Variants in EDA2R observed in about 807,000 individuals in gnomAD.
EDA2R encodes the protein tumor necrosis factor receptor superfamily member 27.
EDA2R carries 26 observed loss-of-function variants against 20.1 expected under a neutral mutation model. The observed-to-expected ratio is 1.30, with a 90% CI of 0.95 to 1.80. The LOEUF is 1.80. EDA2R is among the 40% of genes most tolerant of loss of function. The pLI, the probability that EDA2R is intolerant of heterozygous loss-of-function variation, is 0.00. For missense variants in EDA2R, 277 were observed against 228.7 expected, an observed-to-expected ratio of 1.21 and a Z score of -1.36; for synonymous variants, 114 against 88.7, an observed-to-expected ratio of 1.29 and a Z score of -1.60.
At chrX:66,639,154 G>A (rs1321263483), upstream of EDA2R, 7 of 37,102 alleles carry the variant, frequency 1.9e-4, no homozygotes, top group Non-Finnish European at 3.4e-4. Context: ...CATCAGCCCC[G>A]CCCCTCAGCC....
intron 5 of EDA2R, among the ~76,000 whole-genome samples, chrX:66,600,371 C>T (rs1928351615): frequency 2.7e-5 from 3 of 111,581 alleles, no homozygotes; most frequent in South Asian, 3.8e-4. Context: ...CTCATCATTG[C>T]TAGTTTTGAA....
intron 2 of EDA2R, among the ~76,000 whole-genome samples, chrX:66,612,925 T>G (rs775417066): frequency 9.0e-6 from 1 of 111,642 alleles, no homozygotes; most frequent in Non-Finnish European, 1.9e-5. Flanking sequence ...GCAAAATTTC[T>G]TTTGCTATTA....
intron 1 of EDA2R, among the ~76,000 whole-genome samples, chrX:66,636,649 T>G (rs1468463352): frequency 9.1e-6 from 1 of 109,674 alleles, no homozygotes; most frequent in Non-Finnish European, 1.9e-5. Flanking sequence ...AAGCAGAAAC[T>G]GGCAAGGATG....
chrX:66,608,714 G>A (rs1930158011), intron 2 of EDA2R, among the ~76,000 whole-genome samples: 1 of 111,971 alleles, frequency 8.9e-6, no homozygotes, highest in Non-Finnish European at 1.9e-5. Context: ...ACAATGGAGA[G>A]TAACCCAAAG....
chrX:66,601,514 C>T (rs1244935375), intron 5 of EDA2R, among the ~76,000 whole-genome samples: 1 of 111,901 alleles, frequency 8.9e-6, no homozygotes, highest in South Asian at 3.8e-4. Context: ...AAACATACCT[C>T]TTGGGCTTTT....
In EDA2R at chrX:66,596,342, T is replaced by A. The variant is rs1208729681; in HGVS notation, c.*1762A>T. The A allele has an allele frequency of 3.6e-5, 4 of 110,481 alleles. No individual in the cohort carries two copies. The highest frequency in any genetic ancestry group is 9.7e-5 in the Admixed American group (1 of 10,357). The allele number at this position is 110,481 out of a possible 1,213,427, so 9.1% of individuals were successfully genotyped here. A position where few individuals can be genotyped will look rare whatever the true frequency, so the allele number is the denominator to read the frequency against. ...CAAACAGAAATTATAAAGACGAAAA[T>A]CCTTCACTTCACCTTTACCCGAAAT... On this transcript the variant is annotated 3_prime_UTR_variant, in exon 7 of 7. Transcript: ENST00000374719.
intron 1 of EDA2R, among the ~76,000 whole-genome samples, chrX:66,620,701 T>C (rs1003714070): frequency 9.1e-6 from 1 of 110,020 alleles, no homozygotes; most frequent in African/African-American, 3.3e-5. Context: ...AAGGACACCA[T>C]CAAGAAAGTG....
chrX:66,635,474 G>T (rs770261844), intron 1 of EDA2R, among the ~76,000 whole-genome samples: 1 of 112,429 alleles, frequency 8.9e-6, no homozygotes, highest in African/African-American at 3.2e-5. Context: ...CTGAGGAATG[G>T]CTCCAAAAGA....
chrX:66,608,186 C>T (rs1419390849), intron 2 of EDA2R, among the ~76,000 whole-genome samples: 4 of 111,379 alleles, frequency 3.6e-5, no homozygotes, highest in African/African-American at 1.3e-4. Context: ...GTAAACAGAA[C>T]ATAAGGAACT....
chrX:66,598,950 C>A (rs1156320298), intron 6 of EDA2R, among the ~76,000 whole-genome samples: 1 of 111,676 alleles, frequency 9.0e-6, no homozygotes, highest in African/African-American at 3.3e-5. Flanking sequence ...TGGGTTCTTG[C>A]ACAGTTCTAG....
intron 4 of EDA2R, among the ~76,000 whole-genome samples, chrX:66,604,087 A>T (rs947386295): frequency 9.0e-6 from 1 of 111,380 alleles, no homozygotes; most frequent in Non-Finnish European, 1.9e-5. Flanking sequence ...ATATAATAAT[A>T]ATATCTCATA....
chrX:66,603,057 C>T (rs186423388), intron 4 of EDA2R, among the ~76,000 whole-genome samples: 2 of 112,052 alleles, frequency 1.8e-5, no homozygotes, highest in East Asian at 5.6e-4. Flanking sequence ...TGTGCCACAT[C>T]TAATTATATA....
intron 1 of EDA2R, among the ~76,000 whole-genome samples, chrX:66,629,094 T>C (rs1290678335): frequency 5.4e-5 from 6 of 111,905 alleles, no homozygotes; most frequent in Non-Finnish European, 7.5e-5. Context: ...AAAAATCACA[T>C]GATCATCTCA....
At chrX:66,611,849 G>GA (rs1351431698) in intron 2 of EDA2R, among the ~76,000 whole-genome samples, 1 of 110,711 alleles carries the variant, frequency 9.0e-6, no homozygotes, top group Non-Finnish European at 1.9e-5. Flanking sequence ...ATCCCAAACA[G>GA]AAAAAAATCC....
rs1026142621 is a variant in EDA2R, at chrX:66,597,444, G to A, written c.*660C>T. The A allele has an allele frequency of 2.7e-5, 3 of 111,774 alleles. No individual in the cohort carries two copies. Among genetic ancestry groups the A allele is most frequent in the African/African-American group, 6.5e-5 (2 of 30,717 alleles). 9.2% of individuals were successfully genotyped at this position (111,774 alleles called of 1,213,427 possible). A position where few individuals can be genotyped will look rare whatever the true frequency, so the allele number is the denominator to read the frequency against. On this transcript the variant is annotated 3_prime_UTR_variant, in exon 7 of 7. Coordinates refer to ENST00000374719, the MANE Select transcript of EDA2R (RefSeq NM_021783.5). The stretch of plus-strand genomic sequence containing the variant: ...ATGTTCTGTAAGGTTCCAAAATGGC[G>A]AACTTCAGCCCTTCTCCCTGCTGAG...
chrX:66,618,251 C>T (rs1932050356), intron 1 of EDA2R, among the ~76,000 whole-genome samples: 1 of 111,693 alleles, frequency 9.0e-6, no homozygotes, highest in Non-Finnish European at 1.9e-5. Context: ...TCATTCGACG[C>T]TTAACAAATT....
Position 66,597,905 on chromosome X carries a change from G to A in EDA2R, c.*199C>T. 2.5e-5 allele frequency: 12 copies of A among 479,230 alleles called. No individual in the cohort carries two copies. The highest frequency in any genetic ancestry group is 3.4e-5 in the Non-Finnish European group (12 of 355,767). The allele number at this position is 479,230 out of a possible 1,213,427, so 39.5% of individuals were successfully genotyped here. On this transcript the variant is annotated 3_prime_UTR_variant, in exon 7 of 7. Coordinates refer to ENST00000374719, the MANE Select transcript of EDA2R (RefSeq NM_021783.5). Reference sequence around the variant, plus strand: ...TGGCTCCCCAGACTACAAAAGGGAAGCAAGAAATGCTCCAGATCAGTCCTT... The same window carrying A: ...TGGCTCCCCAGACTACAAAAGGGAAACAAGAAATGCTCCAGATCAGTCCTT...
chrX:66,630,850 C>CACAA (rs34068089), intron 1 of EDA2R, among the ~76,000 whole-genome samples: 1 of 107,225 alleles, frequency 9.3e-6, no homozygotes, highest in Non-Finnish European at 1.9e-5. Context: ...CACACACACA[C>CACAA]AAACACACGT....
At chrX:66,619,497 T>C (rs1474075405) in intron 1 of EDA2R, among the ~76,000 whole-genome samples, 2 of 111,935 alleles carry the variant, frequency 1.8e-5, no homozygotes, top group Non-Finnish European at 3.8e-5. Context: ...GAACAGTCCC[T>C]CTCACCTCCA....
Sources: gnomAD v4.1 joint callset for allele counts (sites outside exome capture counted in the v4.1 genomes callset) on GRCh38, gnomAD v4.1.1 for gene constraint, MANE v1.5 for transcripts, NCBI Gene and HGNC (gene_info 2026-07-23, HGNC 2026-07-21) for gene names.